RGS6: variants seen among roughly 807,000 people sequenced by gnomAD.
The protein encoded by RGS6 is regulator of G-protein signaling 6.
A neutral mutation model predicts 78.5 loss-of-function variants in RGS6; 30 were observed. The observed-to-expected ratio is 0.38, with a 90% CI of 0.29 to 0.52. The LOEUF is 0.52. RGS6 is among the 20% of genes least tolerant of loss of function. RGS6 has a pLI of 0.85. For synonymous variants in RGS6, 206 were observed against 206.0 expected (o/e 1.00, Z 0.00); for missense variants, 495 against 609.7 (o/e 0.81, Z 1.98).
At chr14:71,984,870 A>G (rs74670470) in intron 2 of RGS6, among the ~76,000 whole-genome samples, 5,824 of 152,272 alleles carry the variant, frequency 0.038, 369 homozygotes, top group African/African-American at 0.13. Context: ...CTTTCCATTT[A>G]AAAAGTAATA....
intron 2 of RGS6, among the ~76,000 whole-genome samples, chr14:72,348,820 G>A (rs1029807315): frequency 5.1e-4 from 78 of 152,272 alleles, no homozygotes; most frequent in African/African-American, 1.7e-3. Flanking sequence ...GAGTGTTGTT[G>A]TATCATAACT....
intron 2 of RGS6, among the ~76,000 whole-genome samples, chr14:72,323,996 G>C (rs6574066): frequency 0.12 from 18,315 of 151,590 alleles, 1,113 homozygotes; most frequent in East Asian, 0.17. Flanking sequence ...AGGGTAAATA[G>C]AGTATCCATC....
intron 2 of RGS6, among the ~76,000 whole-genome samples, chr14:72,271,626 G>A (rs555505680): frequency 2.0e-5 from 3 of 152,340 alleles, no homozygotes; most frequent in East Asian, 3.9e-4. Flanking sequence ...ATGGATTTGT[G>A]AGCAGTCATT....
the RGS6 span, among the ~76,000 whole-genome samples, chr14:72,583,304 C>T: frequency 2.6e-5 from 4 of 152,166 alleles, no homozygotes; most frequent in Admixed American, 2.6e-4. Context: ...AAGCCAATTC[C>T]CCTAATAAAT....
intron 2 of RGS6, among the ~76,000 whole-genome samples, chr14:72,090,172 T>C (rs2153497542): frequency 6.6e-6 from 1 of 151,982 alleles, no homozygotes; most frequent in Non-Finnish European, 1.5e-5. Context: ...AGAATCCCTT[T>C]AGATTTCTTA....
intron 2 of RGS6, among the ~76,000 whole-genome samples, chr14:72,233,299 G>A (rs1337455192): frequency 6.6e-6 from 1 of 152,160 alleles, no homozygotes; most frequent in East Asian, 1.9e-4. Context: ...ATGGAGGCTT[G>A]GGTATTTCTT....
At chr14:71,917,371 T>C in the RGS6 span, among the ~76,000 whole-genome samples, 4 of 152,206 alleles carry the variant, frequency 2.6e-5, no homozygotes, top group Non-Finnish European at 5.9e-5. Flanking sequence ...TTTCTGCTGC[T>C]GCTGCTGTTA....
At chr14:72,023,236 C>T (rs1430478037) in intron 2 of RGS6, among the ~76,000 whole-genome samples, 2 of 152,234 alleles carry the variant, frequency 1.3e-5, no homozygotes, top group African/African-American at 2.4e-5. Flanking sequence ...ACTAGGGCTT[C>T]CTGGAGCTGG....
chr14:71,895,917 C>A, the RGS6 span, among the ~76,000 whole-genome samples: 25 of 152,198 alleles, frequency 1.6e-4, no homozygotes, highest in East Asian at 1.9e-4. Context: ...GCATACCCAA[C>A]CTCACTCTCC....
chr14:72,089,836 C>G (rs2095200466), intron 2 of RGS6, among the ~76,000 whole-genome samples: 3 of 152,190 alleles, frequency 2.0e-5, no homozygotes, highest in African/African-American at 7.2e-5. Flanking sequence ...CTTAGCTTGG[C>G]TGGGAGCTCC....
upstream of RGS6, among the ~76,000 whole-genome samples, chr14:71,930,824 AAC>A (rs74447654): frequency 0.06 from 9,116 of 151,754 alleles, 368 homozygotes; most frequent in Non-Finnish European, 0.09. Context: ...CTCTACTGAA[AAC>A]ACACAAAAAA....
At chr14:72,018,421 T>C (rs1485441532) in intron 2 of RGS6, among the ~76,000 whole-genome samples, 1 of 152,182 alleles carries the variant, frequency 6.6e-6, no homozygotes, top group Non-Finnish European at 1.5e-5. Context: ...GCAGCATGGA[T>C]TGTGGGAATT....
At chr14:72,358,265 T>C (rs2681765) in intron 3 of RGS6, among the ~76,000 whole-genome samples, 89,502 of 151,954 alleles carry the variant, frequency 0.59, 28,416 homozygotes, top group African/African-American at 0.84. Flanking sequence ...GGGGTTGGAG[T>C]CCCCACACAG....
At chr14:72,084,710 A>G (rs969355418) in intron 2 of RGS6, among the ~76,000 whole-genome samples, 1 of 151,882 alleles carries the variant, frequency 6.6e-6, no homozygotes, top group Non-Finnish European at 1.5e-5. Flanking sequence ...TCAGGCCTGC[A>G]TATGTCTGGT....
intron 2 of RGS6, among the ~76,000 whole-genome samples, chr14:72,234,140 G>A (rs565769103): frequency 7.9e-5 from 12 of 152,070 alleles, no homozygotes; most frequent in Middle Eastern, 3.4e-3. Flanking sequence ...AGCACTTTGC[G>A]TACACTGCCT....
At chr14:72,554,215 C>A (rs995562641) in intron 17 of RGS6, among the ~76,000 whole-genome samples, 1 of 152,234 alleles carries the variant, frequency 6.6e-6, no homozygotes, top group Non-Finnish European at 1.5e-5. Flanking sequence ...TAGGCTCCGC[C>A]TTTTCAGCTG....
intron 2 of RGS6, among the ~76,000 whole-genome samples, chr14:72,129,129 G>C (rs925372324): frequency 6.6e-6 from 1 of 152,100 alleles, no homozygotes; most frequent in Non-Finnish European, 1.5e-5. Flanking sequence ...GACCAGGTTG[G>C]GCTGAGAAAA....
chr14:72,209,150 A>G (rs1303881807), intron 2 of RGS6, among the ~76,000 whole-genome samples: 5 of 152,088 alleles, frequency 3.3e-5, no homozygotes, highest in African/African-American at 1.2e-4. Context: ...CTGAGGTGGG[A>G]GGATTGCTTG....
chr14:72,629,691 A>G, the RGS6 span: 1 of 1,536,146 alleles, frequency 6.5e-7, no homozygotes, highest in Non-Finnish European at 8.7e-7. Context: ...GTAGGTCTTG[A>G]CAGCCTCGGT....
Sources: allele counts gnomAD v4.1 joint callset (sites outside exome capture counted in the v4.1 genomes callset), GRCh38; gene constraint gnomAD v4.1.1; transcripts MANE v1.5; gene names NCBI Gene and HGNC (gene_info 2026-07-23, HGNC 2026-07-21).